Variants in ST6GAL1 observed in about 807,000 individuals in gnomAD.
The protein encoded by ST6GAL1 is beta-galactoside alpha-2,6-sialyltransferase 1.
In ST6GAL1, 20 loss-of-function variants were observed where a neutral mutation model predicts 38.0. The ratio of observed to expected loss-of-function variants is 0.53; its 90% CI spans 0.37 to 0.77. The LOEUF (loss-of-function observed/expected upper bound fraction) is 0.77. Ranked by LOEUF, ST6GAL1 falls within the 30% of genes least tolerant of loss-of-function variation. The pLI is 0.00. For synonymous variants in ST6GAL1, 196 were observed against 188.2 expected (o/e 1.04, Z -0.34); for missense variants, 432 against 496.4 (o/e 0.87, Z 1.23).
intron 5 of ST6GAL1, among the ~76,000 whole-genome samples, chr3:187,060,760 C>T (rs921781442): frequency 2.0e-5 from 3 of 152,184 alleles, no homozygotes; most frequent in African/African-American, 7.2e-5. Context: ...TGTAACTTGG[C>T]AGCTAGAAGT....
At chr3:187,055,065 A>T (rs1258033055) in intron 5 of ST6GAL1, among the ~76,000 whole-genome samples, 1 of 151,610 alleles carries the variant, frequency 6.6e-6, no homozygotes, top group East Asian at 1.9e-4. Flanking sequence ...TTTCTTCTAG[A>T]TTTTCTAGTT....
intron 2 of ST6GAL1, among the ~76,000 whole-genome samples, chr3:187,025,998 C>T (rs1201728124): frequency 2.0e-5 from 3 of 152,190 alleles, no homozygotes; most frequent in Non-Finnish European, 4.4e-5. Flanking sequence ...GGGCTTTGCT[C>T]TGGGCAGGAT....
chr3:187,066,041 A>G (rs1719105533), intron 5 of ST6GAL1, among the ~76,000 whole-genome samples: 1 of 152,244 alleles, frequency 6.6e-6, no homozygotes, highest in Non-Finnish European at 1.5e-5. Context: ...TTTTCTTCTC[A>G]AGATACTGAA....
At chr3:187,062,542 C>T (rs1307727836) in intron 5 of ST6GAL1, among the ~76,000 whole-genome samples, 1 of 148,340 alleles carries the variant, frequency 6.7e-6, no homozygotes, top group Non-Finnish European at 1.5e-5. Context: ...TGGATGAACC[C>T]TGAAGACATT....
At chr3:186,997,210 A>T (rs574992421) in intron 2 of ST6GAL1, among the ~76,000 whole-genome samples, 1 of 152,154 alleles carries the variant, frequency 6.6e-6, no homozygotes, top group Admixed American at 6.6e-5. Flanking sequence ...CCTGACCTCT[A>T]TAGTCCTTTG....
intron 2 of ST6GAL1, among the ~76,000 whole-genome samples, chr3:187,000,746 C>T (rs1716591128): frequency 6.6e-6 from 1 of 152,188 alleles, no homozygotes; most frequent in Non-Finnish European, 1.5e-5. Flanking sequence ...TAGGCACCCA[C>T]ACATTTATGT....
At chr3:187,017,703 C>T (rs1319684091) in intron 2 of ST6GAL1, among the ~76,000 whole-genome samples, 1 of 152,138 alleles carries the variant, frequency 6.6e-6, no homozygotes, top group African/African-American at 2.4e-5. Context: ...GTGATTCTGG[C>T]AATTAGAAAA....
intron 7 of ST6GAL1, 145 bp downstream of exon 7, chr3:187,074,478 G>T (rs1419814080): frequency 7.0e-6 from 6 of 856,450 alleles, no homozygotes; most frequent in Non-Finnish European, 6.7e-6. Flanking sequence ...ACCATGCCAA[G>T]TTCTATCTAA....
intron 1 of ST6GAL1, among the ~76,000 whole-genome samples, chr3:186,936,958 A>AGG (rs1713978968): frequency 2.0e-5 from 3 of 147,788 alleles, no homozygotes; most frequent in Non-Finnish European, 4.5e-5. Context: ...AAAAAAAAAA[A>AGG]AAAAGAAAAA....
intron 2 of ST6GAL1, among the ~76,000 whole-genome samples, chr3:187,011,006 G>A (rs1008716483): frequency 2.0e-5 from 3 of 152,264 alleles, no homozygotes; most frequent in South Asian, 2.1e-4. Flanking sequence ...CTTGGCCGCC[G>A]GCTAAATAAA....
At chr3:186,942,006 C>A (rs62292583) in intron 1 of ST6GAL1, among the ~76,000 whole-genome samples, 2 of 149,328 alleles carry the variant, frequency 1.3e-5, no homozygotes, top group Non-Finnish European at 3.0e-5. Context: ...AGCAAGACTC[C>A]GTCTCAAAAA....
At chr3:186,974,734 G>GA (rs201722917) in intron 2 of ST6GAL1, among the ~76,000 whole-genome samples, 5 of 150,494 alleles carry the variant, frequency 3.3e-5, no homozygotes, top group Admixed American at 3.3e-4. Context: ...GTTGGGGGGG[G>GA]GGCGCCCACA....
At position 187,075,753 on chromosome 3, in the gene ST6GAL1, T is replaced by C; in HGVS notation, c.1171T>C (p.Tyr391His). ...CAACCAGGGCACAGATGAGGACATC[T>C]ACCTGCTTGGAAAAGCCACACTGCC... Reference protein sequence around the residue: ...HLNQGTDEDIYLLGKATLPGF... With the variant: ...HLNQGTDEDIHLLGKATLPGF... The change falls in exon 8 of 8, where the codon TAC becomes CAC. Residue 391 changes from tyrosine to histidine, a missense_variant. Coordinates refer to ENST00000169298, the MANE Select transcript of ST6GAL1 (RefSeq NM_173216.2). The surrounding 1 kb of genome is among the most constrained non-coding windows in gnomAD (Gnocchi z 4.1). The C allele has an allele frequency of 6.2e-7, 1 of 1,614,240 alleles. No individual in the cohort carries two copies. The highest frequency in any genetic ancestry group is 1.1e-5 in the South Asian group (1 of 91,088).
At chr3:186,976,088 C>T (rs1031062150) in intron 2 of ST6GAL1, among the ~76,000 whole-genome samples, 1 of 152,198 alleles carries the variant, frequency 6.6e-6, no homozygotes, top group African/African-American at 2.4e-5. Context: ...AGTTTCAAGA[C>T]CACAGATCAA....
At chr3:186,949,713 GA>G (rs1208541412) in intron 1 of ST6GAL1, among the ~76,000 whole-genome samples, 6 of 151,770 alleles carry the variant, frequency 4.0e-5, no homozygotes, top group Admixed American at 2.0e-4. Context: ...TTATCATTCG[GA>G]AAAAAAACCA....
intron 5 of ST6GAL1, among the ~76,000 whole-genome samples, chr3:187,069,020 T>C (rs1325057529): frequency 6.6e-6 from 1 of 152,210 alleles, no homozygotes; most frequent in Admixed American, 6.5e-5. Context: ...AGTTACAACG[T>C]TCCCAGTGGA....
At chr3:186,962,125 G>T (rs1714956294) in intron 1 of ST6GAL1, among the ~76,000 whole-genome samples, 2 of 152,196 alleles carry the variant, frequency 1.3e-5, no homozygotes, top group South Asian at 4.1e-4. Flanking sequence ...TGTTCGCCCT[G>T]TTCTGTCCTG....
chr3:187,048,099 T>C (rs1470800010), intron 4 of ST6GAL1, among the ~76,000 whole-genome samples: 3 of 151,918 alleles, frequency 2.0e-5, no homozygotes, highest in Non-Finnish European at 4.4e-5. Context: ...CCTGCCACCA[T>C]ACTCGGCTAA....
In ST6GAL1 at chr3:187,076,419, G is replaced by C. The variant is rs1231267582; in HGVS notation, c.*616G>C. 1 of 160,798 alleles carries C rather than the reference G, an allele frequency of 6.2e-6. No individual in the cohort carries two copies. The highest frequency in any genetic ancestry group is 1.8e-4 in the East Asian group (1 of 5,472). The allele number at this position is 160,798 out of a possible 1,614,324, so 10.0% of individuals were successfully genotyped here. A position where few individuals can be genotyped will look rare whatever the true frequency, so the allele number is the denominator to read the frequency against. ...GCTTATGATTAAAGGGTCTTGGTTA[G>C]CCCACTTTCCCTCTCCATGTGGAGA... is the stretch of plus-strand genomic sequence containing the variant. On this transcript the variant is annotated 3_prime_UTR_variant, in exon 8 of 8. Coordinates refer to ENST00000169298, the MANE Select transcript of ST6GAL1 (RefSeq NM_173216.2).
Sources: allele counts gnomAD v4.1 joint callset (sites outside exome capture counted in the v4.1 genomes callset), GRCh38; gene constraint gnomAD v4.1.1; non-coding constraint Gnocchi (gnomAD v3.1); transcripts MANE v1.5; gene names NCBI Gene and HGNC (gene_info 2026-07-23, HGNC 2026-07-21).